HMCN1: variants seen among roughly 807,000 people sequenced by gnomAD.
HMCN1 encodes the protein hemicentin 1, also known as hemicentin-1.
Under a neutral mutation model 625.9 loss-of-function variants are expected in HMCN1, and 321 were observed. The ratio of observed to expected loss-of-function variants is 0.51; its 90% CI spans 0.47 to 0.56. HMCN1 has a LOEUF of 0.56. Ranked by LOEUF, HMCN1 falls within the 20% of genes least tolerant of loss-of-function variation. The pLI, the probability that HMCN1 is intolerant of heterozygous loss-of-function variation, is 0.00. For missense variants in HMCN1, 6,588 were observed against 6,887.3 expected (o/e 0.96, Z 1.54); for synonymous variants, 2,425 against 2,417.6 (o/e 1.00, Z -0.09).
intron 11 of HMCN1, 70 bp from the exon 12 acceptor site, chr1:185,962,445 TCTG>T (rs1405194157): frequency 2.4e-6 from 3 of 1,261,674 alleles, no homozygotes; most frequent in Non-Finnish European, 3.5e-6. Context: ...AACCTACAAA[TCTG>T]CTAACATAGG....
At chr1:185,818,072 C>A (rs777003794) in intron 1 of HMCN1, among the ~76,000 whole-genome samples, 2 of 152,156 alleles carry the variant, frequency 1.3e-5, no homozygotes, top group Admixed American at 6.5e-5. Flanking sequence ...TCTCCAGAAG[C>A]CTTCCTTAGA....
At chr1:186,016,367 G>T (rs1654368892) in intron 32 of HMCN1, 128 bp downstream of exon 32, 5 of 817,098 alleles carry the variant, frequency 6.1e-6, no homozygotes, top group Non-Finnish European at 9.7e-6. Flanking sequence ...TGCAACTGTG[G>T]ATTGCACATT....
chr1:185,897,998 G>C (rs2102426637), intron 4 of HMCN1, among the ~76,000 whole-genome samples: 1 of 152,218 alleles, frequency 6.6e-6, no homozygotes, highest in African/African-American at 2.4e-5. Flanking sequence ...TTTCAATAAG[G>C]ATTATAATAG....
chr1:186,018,171 CT>C lies in HMCN1; in HGVS notation c.5301-7del. 2 of 1,609,152 alleles carry C rather than the reference CT, an allele frequency of 1.2e-6. No individual in the cohort carries two copies. The highest frequency in any genetic ancestry group is 2.2e-5 in the East Asian group (1 of 44,800). ...AATATTTATCCAGACTTCCTTTTGC[CT>C]TTTTCTATAGGTGGCTGAAGGATGG... On this transcript the variant is annotated splice_polypyrimidine_tract_variant and intron_variant, in intron 33 of 106. Transcript: ENST00000271588.
chr1:186,032,342 A>G (rs895662416), intron 36 of HMCN1, among the ~76,000 whole-genome samples: 1 of 152,138 alleles, frequency 6.6e-6, no homozygotes, highest in African/African-American at 2.4e-5. Context: ...GGGAAAAGCA[A>G]ATTGAAACCA....
At chr1:186,032,339 G>A (rs1270356577) in intron 36 of HMCN1, among the ~76,000 whole-genome samples, 6 of 152,048 alleles carry the variant, frequency 3.9e-5, no homozygotes, top group Non-Finnish European at 8.8e-5. Context: ...TCAGGGAAAA[G>A]CAAATTGAAA....
rs140526203 is a variant in HMCN1 at position 186,105,647 on chromosome 1, T to C, written c.10771-1237T>C. Among the ~76,000 whole-genome samples the C allele has an allele frequency of 2.1e-3, 315 of 152,346 alleles. 1 individual carries two copies. The Middle Eastern group carries it at 0.031, about 15-fold the overall frequency. ...CCTCTGCAAAATCTTCCTCTAAAGA[T>C]ACATGCTTAACTATAATTTTTCTAA... On this transcript the variant is annotated intron_variant, in intron 69 of 106. Coordinates refer to ENST00000271588, the MANE Select transcript of HMCN1 (RefSeq NM_031935.3).
At chr1:185,861,634 C>T (rs959594225) in intron 2 of HMCN1, among the ~76,000 whole-genome samples, 3 of 152,184 alleles carry the variant, frequency 2.0e-5, no homozygotes, top group Non-Finnish European at 4.4e-5. Flanking sequence ...ACATGTCTGT[C>T]TATTTCCCAC....
chr1:186,132,227 C>T (rs1334704662), intron 85 of HMCN1, 101 bp from the exon 86 acceptor site: 11 of 821,152 alleles, frequency 1.3e-5, no homozygotes, highest in African/African-American at 8.5e-5. Context: ...AAAATTCCTT[C>T]TCAAAAATGA....
intron 20 of HMCN1, among the ~76,000 whole-genome samples, chr1:185,989,272 G>A (rs1042268434): frequency 3.9e-5 from 6 of 151,970 alleles, no homozygotes; most frequent in African/African-American, 1.2e-4. Context: ...TGGGATTACA[G>A]GTGTGAGCCA....
At position 186,018,160 on chromosome 1, in the gene HMCN1, C is replaced by T. The variant is rs1053096221; in HGVS notation, c.5301-23C>T. 1.9e-6 allele frequency: 3 copies of T among 1,595,114 alleles called. No homozygotes were observed. The African/African-American group carries it at 4.0e-5, about 21-fold the overall frequency. The stretch of plus-strand genomic sequence containing the variant: ...GATTTACTTAAAATATTTATCCAGA[C>T]TTCCTTTTGCCTTTTTCTATAGGTG... On this transcript the variant is annotated intron_variant, in intron 33 of 106. Transcript: ENST00000271588.
chr1:186,182,861 AAC>A (rs1052743002), intron 105 of HMCN1, among the ~76,000 whole-genome samples: 3 of 152,220 alleles, frequency 2.0e-5, no homozygotes, highest in African/African-American at 7.2e-5. Flanking sequence ...AAATAAAACA[AAC>A]AAAATATAGC....
Position 186,128,439 on chromosome 1 carries a change from C to T in HMCN1, c.12904+148C>T, listed in dbSNP as rs1182539001. On this transcript the variant is annotated intron_variant, in intron 83 of 106. Coordinates refer to ENST00000271588, the MANE Select transcript of HMCN1 (RefSeq NM_031935.3). The stretch of plus-strand genomic sequence containing the variant: ...AATGTGTGCCTCTGCTTGGATTTTA[C>T]CCTCTACCCAATATATATGTTTTGT... 23 of 695,046 alleles carry T rather than the reference C, an allele frequency of 3.3e-5. 1 individual carries two copies. In the South Asian group the frequency reaches 3.7e-4, roughly 11 times the overall value. The allele number at this position is 695,046 out of a possible 1,614,324, so 43.1% of individuals were successfully genotyped here. A position where few individuals can be genotyped will look rare whatever the true frequency, so the allele number is the denominator to read the frequency against.
intron 29 of HMCN1, among the ~76,000 whole-genome samples, chr1:186,006,389 A>G (rs1039059905): frequency 6.6e-6 from 1 of 152,110 alleles, no homozygotes; most frequent in Non-Finnish European, 1.5e-5. Context: ...AAAAATATTT[A>G]TGGACTTTAA....
chr1:185,754,656 C>T (rs571364221), intron 1 of HMCN1, among the ~76,000 whole-genome samples: 5 of 152,148 alleles, frequency 3.3e-5, no homozygotes, highest in African/African-American at 1.2e-4. Flanking sequence ...TTGAGACCAG[C>T]CTGGGCAACA....
chr1:185,774,049 T>C (rs960448049), intron 1 of HMCN1, among the ~76,000 whole-genome samples: 22 of 152,202 alleles, frequency 1.4e-4, no homozygotes, highest in African/African-American at 5.3e-4. Context: ...ACTTGCTGTC[T>C]ACTGAAAAGT....
chr1:186,188,683 G>A (rs990078477), intron 106 of HMCN1, among the ~76,000 whole-genome samples: 2 of 152,120 alleles, frequency 1.3e-5, no homozygotes, highest in East Asian at 3.8e-4. Context: ...ATACTGGCTG[G>A]AGCTCACTTT....
chr1:185,984,472 C>G (rs879823351), intron 19 of HMCN1, among the ~76,000 whole-genome samples, 159 bp downstream of exon 19: 6 of 152,072 alleles, frequency 3.9e-5, no homozygotes, highest in Non-Finnish European at 7.4e-5. Flanking sequence ...AATGTTGTTT[C>G]CAGATTTCCC....
At chr1:186,096,248 AGC>A (rs537984262) in intron 68 of HMCN1, among the ~76,000 whole-genome samples, 178 of 152,226 alleles carry the variant, frequency 1.2e-3, no homozygotes, top group African/African-American at 4.2e-3. Context: ...CATATGTTTC[AGC>A]GTGTGTTATA....
Sources: allele counts gnomAD v4.1 joint callset (sites outside exome capture counted in the v4.1 genomes callset), GRCh38; gene constraint gnomAD v4.1.1; transcripts MANE v1.5; gene names NCBI Gene and HGNC (gene_info 2026-07-23, HGNC 2026-07-21).